Variants in GRM5 observed in about 807,000 individuals in gnomAD.
GRM5 encodes metabotropic glutamate receptor 5.
Under a neutral mutation model 83.1 loss-of-function variants are expected in GRM5, and 19 were observed. The observed-to-expected ratio is 0.23, with a 90% CI of 0.16 to 0.34. The LOEUF is 0.34. Among genes scored for constraint, GRM5 ranks in the 10% least tolerant of loss-of-function variants. The pLI, the probability that GRM5 is intolerant of heterozygous loss-of-function variation, is 1.00. For missense variants in GRM5, 1,160 were observed against 1,588.3 expected (o/e 0.73, Z 4.58); for synonymous variants, 675 against 633.6 (o/e 1.07, Z -0.98).
At chr11:88,582,677 A>C (rs1943236442) in intron 7 of GRM5, among the ~76,000 whole-genome samples, 1 of 152,226 alleles carries the variant, frequency 6.6e-6, no homozygotes, top group South Asian at 2.1e-4. Flanking sequence ...TAAACAAATA[A>C]TATTTAATAG....
intron 3 of GRM5, among the ~76,000 whole-genome samples, chr11:88,841,786 T>G (rs1162939045): frequency 2.0e-5 from 3 of 152,142 alleles, no homozygotes; most frequent in Non-Finnish European, 4.4e-5. Flanking sequence ...GTTCCCATGG[T>G]GTTATTTAAG....
At chr11:88,871,579 A>G (rs1323231550) in intron 2 of GRM5, among the ~76,000 whole-genome samples, 1 of 151,614 alleles carries the variant, frequency 6.6e-6, no homozygotes, top group African/African-American at 2.4e-5. Flanking sequence ...GTTTGGATGA[A>G]GAATAGGAGG....
chr11:88,607,918 T>C (rs936911222), intron 4 of GRM5, among the ~76,000 whole-genome samples: 44 of 152,232 alleles, frequency 2.9e-4, no homozygotes, highest in Non-Finnish European at 6.3e-4. Flanking sequence ...ATAATGTAAC[T>C]TACTGAGATA....
At chr11:88,617,137 A>C (rs1332696782) in intron 4 of GRM5, among the ~76,000 whole-genome samples, 1 of 152,230 alleles carries the variant, frequency 6.6e-6, no homozygotes, top group Non-Finnish European at 1.5e-5. Context: ...TAAACATAGC[A>C]ATGCCAATTT....
chr11:88,978,473 TTAAAAAAAAAAAAAAAAAA>T (rs1375288618), intron 2 of GRM5, among the ~76,000 whole-genome samples: 5 of 56,818 alleles, frequency 8.8e-5, no homozygotes, highest in African/African-American at 3.3e-4. Flanking sequence ...GCAGATGAGC[TTAAAAAAAAAAAAAAAAAA>T]AAAAAAAAAA....
intron 3 of GRM5, among the ~76,000 whole-genome samples, chr11:88,746,259 A>AT (rs146286254): frequency 1.7e-4 from 26 of 151,834 alleles, no homozygotes; most frequent in African/African-American, 4.8e-4. Context: ...TTAATAATAC[A>AT]TTTTTTTTGT....
chr11:88,659,512 A>T (rs1487485541), intron 3 of GRM5, among the ~76,000 whole-genome samples: 1 of 152,164 alleles, frequency 6.6e-6, no homozygotes, highest in Non-Finnish European at 1.5e-5. Context: ...TATGAGAGAA[A>T]AATGGTAATT....
chr11:89,003,075 C>T (rs1940431949), intron 2 of GRM5, among the ~76,000 whole-genome samples: 1 of 152,032 alleles, frequency 6.6e-6, no homozygotes, highest in African/African-American at 2.4e-5. Context: ...TCAACAAAAA[C>T]ATGTTAAATG....
At chr11:88,525,240 G>T in intron 9 of GRM5, 69 bp downstream of exon 9, 2 of 879,744 alleles carry the variant, frequency 2.3e-6, no homozygotes, top group Non-Finnish European at 3.8e-6. Context: ...CCAGACCAGG[G>T]AGCCACATGT....
intron 2 of GRM5, among the ~76,000 whole-genome samples, chr11:89,008,560 T>C (rs1267963890): frequency 2.0e-5 from 3 of 152,146 alleles, no homozygotes; most frequent in East Asian, 3.8e-4. Context: ...TAAGTGATGG[T>C]TCACTAGTTG....
At chr11:89,040,348 A>T (rs1376909481) in intron 2 of GRM5, among the ~76,000 whole-genome samples, 1 of 152,180 alleles carries the variant, frequency 6.6e-6, no homozygotes, top group Non-Finnish European at 1.5e-5. Flanking sequence ...AAGAGCCTGC[A>T]AAAACAAAAA....
intron 2 of GRM5, among the ~76,000 whole-genome samples, chr11:89,014,978 G>A (rs1223459328): frequency 6.6e-6 from 1 of 152,182 alleles, no homozygotes; most frequent in Non-Finnish European, 1.5e-5. Context: ...CTGATTCATA[G>A]GGCGGCCAGA....
chr11:88,732,275 C>T (rs945337648), intron 3 of GRM5, among the ~76,000 whole-genome samples: 1 of 152,060 alleles, frequency 6.6e-6, no homozygotes, highest in Non-Finnish European at 1.5e-5. Flanking sequence ...AGCCCATGGA[C>T]ATATCAATTA....
At chr11:88,791,241 C>T (rs1245613684) in intron 3 of GRM5, among the ~76,000 whole-genome samples, 1 of 152,134 alleles carries the variant, frequency 6.6e-6, no homozygotes, top group Non-Finnish European at 1.5e-5. Context: ...AGATAATGCA[C>T]TGGCTGGGTT....
intron 2 of GRM5, among the ~76,000 whole-genome samples, chr11:89,025,203 C>T (rs1941100486): frequency 6.6e-6 from 1 of 152,204 alleles, no homozygotes; most frequent in Admixed American, 6.5e-5. Flanking sequence ...ATTTGTGTCT[C>T]TAACTACCAG....
chr11:88,933,116 T>G (rs1231234317), intron 2 of GRM5, among the ~76,000 whole-genome samples: 1 of 151,626 alleles, frequency 6.6e-6, no homozygotes, highest in Non-Finnish European at 1.5e-5. Flanking sequence ...ACTTTCTATC[T>G]TTTAATAAAC....
chr11:88,700,607 C>T (rs1941009360), intron 3 of GRM5, among the ~76,000 whole-genome samples: 1 of 152,106 alleles, frequency 6.6e-6, no homozygotes, highest in Non-Finnish European at 1.5e-5. Flanking sequence ...TGAAGATTTA[C>T]TGTTCCTTTT....
chr11:89,054,519 G>A (rs1941830763), intron 1 of GRM5, among the ~76,000 whole-genome samples: 1 of 152,136 alleles, frequency 6.6e-6, no homozygotes, highest in Non-Finnish European at 1.5e-5. Context: ...CTGAACAGGA[G>A]ATAAAATGTG....
chr11:88,809,609 G>A (rs1943554773), intron 3 of GRM5, among the ~76,000 whole-genome samples: 1 of 151,830 alleles, frequency 6.6e-6, no homozygotes, highest in Admixed American at 6.6e-5. Flanking sequence ...GTTAATGACT[G>A]GTAAAGATAA....
Sources: gnomAD v4.1 joint callset for allele counts (sites outside exome capture counted in the v4.1 genomes callset) on GRCh38, gnomAD v4.1.1 for gene constraint, MANE v1.5 for transcripts, NCBI Gene and HGNC (gene_info 2026-07-23, HGNC 2026-07-21) for gene names.